Variants in PRDM1 observed in about 807,000 individuals in gnomAD.
PRDM1 encodes the protein PR/SET domain 1, also known as PR domain zinc finger protein 1.
Under a neutral mutation model 62.8 loss-of-function variants are expected in PRDM1, and 13 were observed. The ratio of observed to expected loss-of-function variants is 0.21; its 90% confidence interval spans 0.13 to 0.33. The LOEUF is 0.33. PRDM1 is among the 10% of genes least tolerant of loss of function. The probability of loss-of-function intolerance (pLI) is 1.00; values close to 1 mark genes in which losing one functional copy is unlikely to be tolerated. For missense variants in PRDM1, 895 were observed against 1,058.8 expected, an observed-to-expected ratio of 0.85 and a Z score of 2.15; for synonymous variants, 396 against 417.6, an observed-to-expected ratio of 0.95 and a Z score of 0.63.
At chr6:106,000,364 C>T (rs1262343692) in intron 1 of PRDM1, among the ~76,000 whole-genome samples, 1 of 152,160 alleles carries the variant, frequency 6.6e-6, no homozygotes, top group African/African-American at 2.4e-5. Flanking sequence ...AGGAGGATCG[C>T]TTGAAGCCAG....
chr6:106,057,769 T>C (rs1317165820), intron 1 of PRDM1, among the ~76,000 whole-genome samples: 3 of 152,248 alleles, frequency 2.0e-5, no homozygotes, highest in Admixed American at 2.0e-4. Flanking sequence ...ACTTAGTCTT[T>C]GCTCTATATG....
chr6:105,993,005 T>C (rs1482953054), upstream of PRDM1, among the ~76,000 whole-genome samples: 3 of 152,172 alleles, frequency 2.0e-5, no homozygotes, highest in Admixed American at 6.5e-5. Flanking sequence ...TCCGAAACCT[T>C]TGGGTCCCAA....
At chr6:106,093,411 A>G (rs1050029173) in intron 2 of PRDM1, among the ~76,000 whole-genome samples, 1 of 152,182 alleles carries the variant, frequency 6.6e-6, no homozygotes, top group Non-Finnish European at 1.5e-5. Context: ...AAGTTGATGA[A>G]CCAGTTGAGT....
Position 106,000,135 on chromosome 6 carries a change from C to T in PRDM1, c.-67+6496C>T, listed in dbSNP as rs537993652. Among the ~76,000 whole-genome samples the T allele has an allele frequency of 5.9e-5, 9 of 152,362 alleles. No individual in the cohort carries two copies. In the East Asian group the frequency reaches 1.5e-3, roughly 26 times the overall value. On this transcript the variant is annotated intron_variant, in intron 1 of 6. Transcript: ENST00000652320. ...AAGTGCTGGGATTACAGGCGTGAGC[C>T]ACCGCGCCTGGCATTATCTATGTAT...
intron 1 of PRDM1, among the ~76,000 whole-genome samples, chr6:105,997,346 T>C (rs1167739644): frequency 6.6e-6 from 1 of 152,240 alleles, no homozygotes; most frequent in African/African-American, 2.4e-5. Flanking sequence ...TCGTGTGTCA[T>C]GGAAGGCCTG....
chr6:106,076,524 A>T (rs921252387), intron 1 of PRDM1, among the ~76,000 whole-genome samples: 1 of 152,230 alleles, frequency 6.6e-6, no homozygotes, highest in African/African-American at 2.4e-5. Flanking sequence ...TTAGTAGAAA[A>T]AAATGAAGCA....
At position 106,105,855 on chromosome 6, in the gene PRDM1, G is replaced by T; in HGVS notation, c.1695G>T (p.Pro565=). The T allele has an allele frequency of 3.7e-6, 6 of 1,614,134 alleles. No homozygotes were observed. In the South Asian group the frequency reaches 5.5e-5, roughly 15 times the overall value. ...NMTGYKTLPY[P]LKKQNGKIKY... ...CCGGCTACAAGACCCTTCCCTACCC[G>T]CTGAAGAAGCAGAACGGCAAGATCA... Residue 565 remains proline (P), a synonymous_variant, in exon 5 of 7, where the codon CCG becomes CCT. Transcript: ENST00000369096.
chr6:106,062,686 A>C (rs1582445484), intron 1 of PRDM1, among the ~76,000 whole-genome samples: 2 of 152,174 alleles, frequency 1.3e-5, no homozygotes, highest in East Asian at 3.9e-4. Flanking sequence ...CTCCTCCAAC[A>C]CACACACCAT....
At chr6:106,068,618 G>T (rs977248252) in intron 1 of PRDM1, among the ~76,000 whole-genome samples, 4 of 152,146 alleles carry the variant, frequency 2.6e-5, no homozygotes, top group African/African-American at 7.2e-5. Flanking sequence ...AGTCATACAT[G>T]GGAACGTTGT....
chr6:106,105,897 T>G lies in PRDM1; in HGVS notation c.1737T>G (p.Val579=), dbSNP rs772574447. The change falls in exon 5 of 7, where the codon GTT becomes GTG. Residue 579 remains valine (V), a synonymous_variant. Transcript: ENST00000369096. ...GCAAGATCAAGTACGAATGCAACGT[T>G]TGCGCCAAGACTTTCGGCCAGCTCT... ...QNGKIKYECN[V]CAKTFGQLSN... 1 of 1,613,934 alleles carries G rather than the reference T, an allele frequency of 6.2e-7. No individual in the cohort carries two copies. Among genetic ancestry groups the G allele is most frequent in the Non-Finnish European group, 8.5e-7 (1 of 1,179,914 alleles).
chr6:106,065,694 C>A (rs1773421750), intron 1 of PRDM1, among the ~76,000 whole-genome samples: 1 of 152,150 alleles, frequency 6.6e-6, no homozygotes, highest in African/African-American at 2.4e-5. Context: ...TTTGTAGTTT[C>A]TCAGTTTATT....
At chr6:106,001,761 G>A (rs577425717) in intron 1 of PRDM1, among the ~76,000 whole-genome samples, 1 of 152,096 alleles carries the variant, frequency 6.6e-6, no homozygotes, top group Non-Finnish European at 1.5e-5. Context: ...GATAGAGTGA[G>A]TTCCCAATTG....
At chr6:106,096,980 G>A (rs140089799) in intron 3 of PRDM1, among the ~76,000 whole-genome samples, 35 of 152,178 alleles carry the variant, frequency 2.3e-4, no homozygotes, top group Middle Eastern at 3.4e-3. Flanking sequence ...CGATTATATC[G>A]TTCGGACAAG....
Position 106,109,910 on chromosome 6 carries a change from T to G in PRDM1, c.*2424T>G. ...ATGTGCAAATTGTCAAAATGTAAATTAAATATAAATGTTCATGCTTTACCA... is the reference window on the plus strand; with the variant it reads ...ATGTGCAAATTGTCAAAATGTAAATGAAATATAAATGTTCATGCTTTACCA... On this transcript the variant is annotated 3_prime_UTR_variant, in exon 7 of 7. Coordinates refer to ENST00000369096, the MANE Select transcript of PRDM1 (RefSeq NM_001198.4). 1.3e-5 allele frequency: 3 copies of G among 227,392 alleles called. No individual in the cohort carries two copies. Among genetic ancestry groups the G allele is most frequent in the Non-Finnish European group, 2.6e-5 (3 of 114,126 alleles). 14.1% of individuals were successfully genotyped at this position (227,392 alleles called of 1,614,324 possible). A position where few individuals can be genotyped will look rare whatever the true frequency, so the allele number is the denominator to read the frequency against.
At chr6:106,075,461 G>C (rs893827910) in intron 1 of PRDM1, among the ~76,000 whole-genome samples, 1 of 152,156 alleles carries the variant, frequency 6.6e-6, no homozygotes, top group Non-Finnish European at 1.5e-5. Flanking sequence ...AGCAACAGTA[G>C]CTTCTTGAGA....
intron 1 of PRDM1, among the ~76,000 whole-genome samples, chr6:105,996,361 A>T (rs1772349511): frequency 4.6e-5 from 7 of 152,166 alleles, no homozygotes; most frequent in Admixed American, 4.6e-4. Context: ...AATCATTTTT[A>T]AATTGAATAT....
intron 1 of PRDM1, among the ~76,000 whole-genome samples, chr6:106,024,461 C>T (rs1453939481): frequency 2.6e-5 from 4 of 152,126 alleles, no homozygotes; most frequent in African/African-American, 9.7e-5. Flanking sequence ...GGTGTGGTAA[C>T]GATGACAGAT....
intron 2 of PRDM1, among the ~76,000 whole-genome samples, chr6:106,088,942 A>T (rs1773889712): frequency 6.6e-6 from 1 of 152,220 alleles, no homozygotes; most frequent in South Asian, 2.1e-4. Flanking sequence ...CGTGTTTATG[A>T]AGTGAAGTGA....
intron 1 of PRDM1, among the ~76,000 whole-genome samples, chr6:106,039,208 CT>C (rs1772960605): frequency 6.6e-6 from 1 of 152,312 alleles, no homozygotes; most frequent in Middle Eastern, 3.4e-3. Context: ...TTATGGTCAT[CT>C]TCACTATCTC....
Sources: gnomAD v4.1 joint callset for allele counts (sites outside exome capture counted in the v4.1 genomes callset) on GRCh38, gnomAD v4.1.1 for gene constraint, MANE v1.5 for transcripts, NCBI Gene and HGNC (gene_info 2026-07-23, HGNC 2026-07-21) for gene names.